Variants in ACYP2 observed in about 807,000 individuals in gnomAD.
The protein encoded by ACYP2 is acylphosphatase-2.
A neutral mutation model predicts 11.2 loss-of-function variants in ACYP2; 12 were observed. The observed-to-expected ratio is 1.08, with a 90% confidence interval of 0.69 to 1.74. ACYP2 has a LOEUF of 1.74. ACYP2 is among the 40% of genes most tolerant of loss of function. ACYP2 has a pLI of 0.00. For missense variants in ACYP2, 134 were observed against 101.9 expected, an observed-to-expected ratio of 1.31 and a Z score of -1.35; for synonymous variants, 43 against 32.2, an observed-to-expected ratio of 1.33 and a Z score of -1.13.
At chr2:54,015,665 A>T (rs1001270230) in intron 2 of ACYP2, among the ~76,000 whole-genome samples, 3 of 151,526 alleles carry the variant, frequency 2.0e-5, no homozygotes, top group Non-Finnish European at 2.9e-5. Context: ...ACACACACAC[A>T]CACACACACA....
intron 4 of ACYP2, among the ~76,000 whole-genome samples, chr2:54,130,120 T>C (rs1212273980): frequency 1.3e-5 from 2 of 152,138 alleles, no homozygotes; most frequent in East Asian, 3.9e-4. Context: ...ACTATAAAGA[T>C]AGGAAATCAA....
chr2:54,264,062 A>G (rs1687905722), intron 6 of ACYP2, among the ~76,000 whole-genome samples: 1 of 152,196 alleles, frequency 6.6e-6, no homozygotes, highest in South Asian at 2.1e-4. Flanking sequence ...ACTGACTTCA[A>G]GAATGAAACG....
intron 4 of ACYP2, among the ~76,000 whole-genome samples, chr2:54,099,893 A>T (rs983444460): frequency 2.0e-5 from 3 of 152,178 alleles, no homozygotes; most frequent in African/African-American, 4.8e-5. Context: ...TGGTTATACT[A>T]ATGTACACTC....
intron 6 of ACYP2, among the ~76,000 whole-genome samples, chr2:54,249,618 T>C (rs1687120453): frequency 6.6e-6 from 1 of 151,952 alleles, no homozygotes; most frequent in Non-Finnish European, 1.5e-5. Context: ...TCTTCATATT[T>C]AGAAGAGATT....
chr2:53,986,882 C>T lies in ACYP2; in HGVS notation c.62+13072C>T, dbSNP rs1303452026. On this transcript the variant is annotated intron_variant, in intron 2 of 6. Coordinates refer to ENST00000607452, the MANE Select transcript of ACYP2 (RefSeq NM_001320586.2). ...TCAGGTGATCCACCTGCCTTGGCCT[C>T]CCAAAGTGCTAAGATTATAGGTGTG... is the stretch of plus-strand genomic sequence containing the variant. Among the ~76,000 whole-genome samples the T allele has an allele frequency of 2.0e-5, 3 of 152,104 alleles. No homozygotes were observed. The East Asian group carries it at 5.8e-4, about 29-fold the overall frequency.
At chr2:54,129,328 T>C (rs377668208) in intron 4 of ACYP2, among the ~76,000 whole-genome samples, 1 of 152,272 alleles carries the variant, frequency 6.6e-6, no homozygotes, top group Admixed American at 6.5e-5. Context: ...AAATGAAGTC[T>C]TGCTTTGTTG....
At chr2:54,070,898 A>ATTTGTTTGTTTG (rs112798436) in intron 4 of ACYP2, among the ~76,000 whole-genome samples, 1 of 150,278 alleles carries the variant, frequency 6.7e-6, no homozygotes, top group East Asian at 2.0e-4. Context: ...ACACCCAGCT[A>ATTTGTTTGTTTG]TTTGTTTGTT....
intron 2 of ACYP2, among the ~76,000 whole-genome samples, chr2:54,004,404 CTTTTTTTTTTTT>C (rs1168703943): frequency 1.1e-5 from 1 of 92,058 alleles, no homozygotes; most frequent in African/African-American, 4.9e-5. Context: ...GTAGTTTAGC[CTTTTTTTTTTTT>C]TTTTTTTTTT....
intron 4 of ACYP2, among the ~76,000 whole-genome samples, chr2:54,134,455 C>T (rs1681106883): frequency 6.6e-6 from 1 of 152,002 alleles, no homozygotes; most frequent in South Asian, 2.1e-4. Flanking sequence ...GTATTTAGTC[C>T]TTACATTTTA....
chr2:54,127,307 A>G (rs559628026), intron 4 of ACYP2, among the ~76,000 whole-genome samples: 114 of 152,304 alleles, frequency 7.5e-4, no homozygotes, highest in African/African-American at 2.5e-3. Context: ...ACAGACTACA[A>G]ATTTAGTGCA....
rs1573623645 is a variant in ACYP2, at chr2:54,057,201, G to T, written c.156-38G>T. ...CCTGCCCTTGGGGTTTCTTGGTGAT[G>T]AACTTTTTCTTACTGTTCTCACATA... On this transcript the variant is annotated intron_variant, in intron 3 of 6. Coordinates refer to ENST00000607452, the MANE Select transcript of ACYP2 (RefSeq NM_001320586.2). 4.5e-5 allele frequency: 18 copies of T among 396,974 alleles called. No homozygotes were observed. In the East Asian group the frequency reaches 6.1e-4, roughly 13 times the overall value. The allele number at this position is 396,974 out of a possible 1,614,324, so 24.6% of individuals were successfully genotyped here.
At chr2:53,985,717 A>T (rs144820915) in intron 2 of ACYP2, among the ~76,000 whole-genome samples, 59 of 152,276 alleles carry the variant, frequency 3.9e-4, no homozygotes, top group Non-Finnish European at 6.3e-4. Flanking sequence ...TTGGGGCCTG[A>T]TGGAAGGTGT....
chr2:54,282,688 A>T (rs114624375), intron 6 of ACYP2, among the ~76,000 whole-genome samples: 1,532 of 152,356 alleles, frequency 0.01, 29 homozygotes, highest in African/African-American at 0.035. Flanking sequence ...TTTAATGGAT[A>T]AAAACACCAG....
In ACYP2 at chr2:53,981,683, T is replaced by G. The variant is rs527565749; in HGVS notation, c.62+7873T>G. ...GGAAAGTTGGGGTTTTCCTTTAGAT[T>G]TAGTTCTAGGAAGTCAGTGTGAATC... On this transcript the variant is annotated intron_variant, in intron 2 of 6. Transcript: ENST00000607452. 2.0e-4 allele frequency among the ~76,000 whole-genome samples: 31 copies of G among 152,226 alleles called. No homozygotes were observed. In the South Asian group the frequency reaches 5.8e-3, roughly 29 times the overall value.
intron 6 of ACYP2, among the ~76,000 whole-genome samples, chr2:54,264,082 C>A (rs187434589): frequency 7.9e-5 from 12 of 152,136 alleles, no homozygotes; most frequent in Non-Finnish European, 1.0e-4. Flanking sequence ...GACGGACCCT[C>A]GCGATGAGTG....
intron 2 of ACYP2, among the ~76,000 whole-genome samples, chr2:54,008,376 G>T (rs192942831): frequency 7.5e-4 from 114 of 152,270 alleles, no homozygotes; most frequent in Admixed American, 4.8e-3. Context: ...CAAACTGCAG[G>T]TTTCTCTTGT....
At chr2:54,087,698 C>T (rs1678011758) in intron 4 of ACYP2, among the ~76,000 whole-genome samples, 1 of 152,076 alleles carries the variant, frequency 6.6e-6, no homozygotes, top group South Asian at 2.1e-4. Context: ...ATTATTGCCC[C>T]CAACTTTTCC....
At chr2:54,244,166 C>T (rs1288008913) in intron 6 of ACYP2, among the ~76,000 whole-genome samples, 3 of 151,844 alleles carry the variant, frequency 2.0e-5, no homozygotes, top group Admixed American at 1.3e-4. Context: ...TGGAGTTGTT[C>T]GTCTTTTCCT....
intron 6 of ACYP2, among the ~76,000 whole-genome samples, chr2:54,208,125 C>G (rs765753923): frequency 1.3e-5 from 2 of 152,040 alleles, no homozygotes; most frequent in Admixed American, 6.6e-5. Context: ...AGTCTTCAGT[C>G]ACACTCACCC....
Sources: gnomAD v4.1 joint callset for allele counts (sites outside exome capture counted in the v4.1 genomes callset) on GRCh38, gnomAD v4.1.1 for gene constraint, MANE v1.5 for transcripts, NCBI Gene and HGNC (gene_info 2026-07-23, HGNC 2026-07-21) for gene names.